Variants in METAP1D observed in about 807,000 individuals in gnomAD.
METAP1D encodes the protein methionyl aminopeptidase type 1D, mitochondrial, also known as methionine aminopeptidase 1D, mitochondrial.
In METAP1D, 31 loss-of-function variants were observed where a neutral mutation model predicts 40.5. The ratio of observed to expected loss-of-function variants is 0.77; its 90% CI spans 0.58 to 1.03. METAP1D has a LOEUF of 1.03. Ranked by LOEUF, METAP1D falls within the 50% of genes least tolerant of loss-of-function variation. METAP1D has a pLI of 0.00. For synonymous variants in METAP1D, 151 were observed against 146.4 expected, an observed-to-expected ratio of 1.03 and a Z score of -0.22; for missense variants, 411 against 420.7, an observed-to-expected ratio of 0.98 and a Z score of 0.20.
At chr2:172,045,298 C>T (rs1246655299) in intron 1 of METAP1D, among the ~76,000 whole-genome samples, 1 of 133,482 alleles carries the variant, frequency 7.5e-6, no homozygotes, top group Non-Finnish European at 1.7e-5. Flanking sequence ...TACCAAAATG[C>T]TCATCATTGT....
chr2:172,003,362 C>T (rs1688506478), intron 1 of METAP1D, among the ~76,000 whole-genome samples: 3 of 152,180 alleles, frequency 2.0e-5, no homozygotes, highest in African/African-American at 7.2e-5. Context: ...ACTGGAATCC[C>T]AGGTCTAGCT....
At chr2:172,043,046 TAC>T (rs1559008715) in intron 1 of METAP1D, among the ~76,000 whole-genome samples, 1 of 120,078 alleles carries the variant, frequency 8.3e-6, no homozygotes, top group Non-Finnish European at 2.0e-5. Flanking sequence ...TGTACACGTG[TAC>T]ACATATATGT....
At chr2:172,038,716 A>G (rs1292351658) in intron 1 of METAP1D, among the ~76,000 whole-genome samples, 1 of 152,242 alleles carries the variant, frequency 6.6e-6, no homozygotes, top group Non-Finnish European at 1.5e-5. Context: ...AATCTGCTTC[A>G]GGCTACAGGC....
At chr2:172,020,483 A>G (rs1036623216) in intron 1 of METAP1D, among the ~76,000 whole-genome samples, 15 of 152,184 alleles carry the variant, frequency 9.9e-5, no homozygotes, top group Admixed American at 7.2e-4. Flanking sequence ...AGTAAGGTAG[A>G]TAAGTAGAAA....
At chr2:172,026,406 G>A (rs905125863) in intron 1 of METAP1D, among the ~76,000 whole-genome samples, 3 of 152,144 alleles carry the variant, frequency 2.0e-5, no homozygotes, top group Admixed American at 6.5e-5. Context: ...GGAGGCACAC[G>A]TTTGGTTGTC....
intron 1 of METAP1D, among the ~76,000 whole-genome samples, chr2:172,049,993 A>C (rs1689852905): frequency 6.6e-6 from 1 of 152,216 alleles, no homozygotes; most frequent in Admixed American, 6.5e-5. Flanking sequence ...GTACAGTGAA[A>C]ATCTTCTCAG....
intron 1 of METAP1D, among the ~76,000 whole-genome samples, chr2:172,041,675 A>T (rs1689526666): frequency 8.9e-6 from 1 of 111,948 alleles, no homozygotes; most frequent in African/African-American, 2.8e-5. Flanking sequence ...TTAAATAAGT[A>T]AATACAGAAT....
intron 1 of METAP1D, among the ~76,000 whole-genome samples, chr2:172,045,840 T>TATATATATATAC (rs1689750823): frequency 1.0e-5 from 1 of 99,120 alleles, no homozygotes; most frequent in East Asian, 2.6e-4. Context: ...TATATATATA[T>TATATATATATAC]ATATATATAT....
chr2:172,079,558 C>T (rs527696247), intron 8 of METAP1D, among the ~76,000 whole-genome samples: 2 of 152,114 alleles, frequency 1.3e-5, no homozygotes, highest in South Asian at 2.1e-4. Flanking sequence ...TAACTAGACA[C>T]GATTATGTCC....
intron 1 of METAP1D, among the ~76,000 whole-genome samples, chr2:172,006,117 C>T (rs1004480820): frequency 6.6e-6 from 1 of 151,806 alleles, no homozygotes. Context: ...TATGTGTATA[C>T]ATGTGTCTAA....
chr2:172,027,618 G>C (rs1033681586), intron 1 of METAP1D, among the ~76,000 whole-genome samples: 2 of 152,242 alleles, frequency 1.3e-5, no homozygotes, highest in Non-Finnish European at 2.9e-5. Flanking sequence ...ATATGAGTGT[G>C]TATGTGTATT....
intron 1 of METAP1D, among the ~76,000 whole-genome samples, chr2:172,022,056 G>C (rs539373679): frequency 0.023 from 3,538 of 152,130 alleles, 62 homozygotes; most frequent in Admixed American, 0.043. Context: ...CAGGTTTCTG[G>C]CAAGCTCCCT....
At chr2:172,022,923 A>G (rs1689038198) in intron 1 of METAP1D, among the ~76,000 whole-genome samples, 1 of 152,166 alleles carries the variant, frequency 6.6e-6, no homozygotes, top group Non-Finnish European at 1.5e-5. Context: ...TGGTGGCTTA[A>G]CATCTGTAAT....
At chr2:172,015,556 A>G (rs1177910423) in intron 1 of METAP1D, among the ~76,000 whole-genome samples, 1 of 152,216 alleles carries the variant, frequency 6.6e-6, no homozygotes, top group East Asian at 1.9e-4. Flanking sequence ...GTAAATTATG[A>G]TTTATTCATA....
Position 172,079,240 on chromosome 2 carries a change from G to C in METAP1D, c.828G>C (p.Glu276Asp). The C allele has an allele frequency of 6.2e-7, 1 of 1,614,062 alleles. No homozygotes were observed. Among genetic ancestry groups the C allele is most frequent in the Non-Finnish European group, 8.5e-7 (1 of 1,180,024 alleles). The change falls in exon 8 of 10, where the codon GAG becomes GAC. Residue 276 changes from glutamate (E) to aspartate (D), a missense_variant. Coordinates refer to ENST00000315796, the MANE Select transcript of METAP1D (RefSeq NM_199227.3). ...CAAACGACAGTGATCTACCCATGGA[G>C]GAGGGCATGGCATTCACTATAGGTA... ...HHANDSDLPM[E>D]EGMAFTIEPI...
intron 1 of METAP1D, among the ~76,000 whole-genome samples, chr2:172,056,124 T>C (rs1689997204): frequency 6.6e-6 from 1 of 152,208 alleles, no homozygotes; most frequent in Non-Finnish European, 1.5e-5. Flanking sequence ...GAAAAAAATC[T>C]TCATGAGTCC....
In METAP1D at chr2:172,065,679, C is replaced by G; in HGVS notation, c.424C>G (p.Leu142Val). ...IISHNAYPSP[L>V]GYGGFPKSVC... ...CAGTCATAATGCCTATCCCTCACCTCTAGGCTATGGAGGTTTTCCAAAATC... is the reference window on the plus strand; with the variant it reads ...CAGTCATAATGCCTATCCCTCACCTGTAGGCTATGGAGGTTTTCCAAAATC... The change falls in exon 4 of 10, where the codon CTA becomes GTA. Residue 142 changes from leucine (L) to valine (V), a missense_variant. Leu to Val is a conservative substitution (Grantham distance 32). Coordinates refer to ENST00000315796, the MANE Select transcript of METAP1D (RefSeq NM_199227.3). The G allele has an allele frequency of 6.2e-7, 1 of 1,613,958 alleles. No homozygotes were observed. The highest frequency in any genetic ancestry group is 1.1e-5 in the South Asian group (1 of 91,066).
intron 1 of METAP1D, among the ~76,000 whole-genome samples, chr2:172,027,668 C>T (rs979642615): frequency 2.6e-5 from 4 of 152,198 alleles, no homozygotes; most frequent in African/African-American, 9.7e-5. Context: ...GTCATATTCC[C>T]TTCTGACTTA....
rs748271262 is a variant in METAP1D at position 172,001,779 on chromosome 2, G to A, written c.40+1770G>A. Among the ~76,000 whole-genome samples the A allele has an allele frequency of 8.4e-4, 128 of 152,010 alleles. 1 individual carries two copies. Among genetic ancestry groups the A allele is most frequent in the Non-Finnish European group, 1.7e-3 (114 of 67,998 alleles). On this transcript the variant is annotated intron_variant, in intron 1 of 9. Coordinates refer to ENST00000315796, the MANE Select transcript of METAP1D (RefSeq NM_199227.3). ...GAGAGTGTAGCCTTGTGAAAAGACA[G>A]CCAATTTACATCTCTCAAGATCTGG...
Sources: gnomAD v4.1 joint callset for allele counts (sites outside exome capture counted in the v4.1 genomes callset) on GRCh38, gnomAD v4.1.1 for gene constraint, MANE v1.5 for transcripts, NCBI Gene and HGNC (gene_info 2026-07-23, HGNC 2026-07-21) for gene names.